MIS18A: variants seen among roughly 807,000 people sequenced by gnomAD.
MIS18A encodes MIS18 kinetochore protein A, also known as protein Mis18-alpha.
A neutral mutation model predicts 25.0 loss-of-function variants in MIS18A; 14 were observed. The ratio of observed to expected loss-of-function variants is 0.56; its 90% CI spans 0.37 to 0.88. MIS18A has a LOEUF of 0.88. Among genes scored for constraint, MIS18A ranks in the 40% least tolerant of loss-of-function variants. The probability of loss-of-function intolerance (pLI) is 0.00; values close to 1 mark genes in which losing one functional copy is unlikely to be tolerated. For synonymous variants in MIS18A, 134 were observed against 118.6 expected (o/e 1.13, Z -0.84); for missense variants, 292 against 290.8 (o/e 1.00, Z -0.03).
chr21:32,217,989 C>T, the MIS18A span, among the ~76,000 whole-genome samples: 7 of 151,710 alleles, frequency 4.6e-5, no homozygotes, highest in East Asian at 1.2e-3. Context: ...GTCAGGAGAT[C>T]GATACCATCC....
At chr21:32,266,256 C>T (rs565861935), downstream of MIS18A, among the ~76,000 whole-genome samples, 15 of 152,190 alleles carry the variant, frequency 9.9e-5, no homozygotes, top group South Asian at 2.1e-4. Context: ...CTGATGGGGA[C>T]GTGGAGAACC....
the MIS18A span, among the ~76,000 whole-genome samples, chr21:32,239,976 G>T: frequency 2.6e-5 from 4 of 152,252 alleles, no homozygotes; most frequent in Non-Finnish European, 5.9e-5. Context: ...TTTTCTTCTG[G>T]GTACTATTGA....
the MIS18A span, among the ~76,000 whole-genome samples, chr21:32,159,372 C>A: frequency 1.3e-5 from 2 of 152,136 alleles, no homozygotes; most frequent in African/African-American, 4.8e-5. Context: ...AGTAATAAAA[C>A]TTATGGTTAG....
At chr21:32,262,636 G>A in the MIS18A span, among the ~76,000 whole-genome samples, 4 of 152,162 alleles carry the variant, frequency 2.6e-5, no homozygotes, top group Admixed American at 2.0e-4. Flanking sequence ...ACGTGAATTA[G>A]AAGGTTGAAG....
the MIS18A span, among the ~76,000 whole-genome samples, chr21:32,167,536 G>A: frequency 1.3e-5 from 2 of 152,120 alleles, no homozygotes; most frequent in African/African-American, 4.8e-5. Context: ...ATGAAGATTG[G>A]TGAGCTGCAA....
the MIS18A span, among the ~76,000 whole-genome samples, chr21:32,206,416 A>C: frequency 6.6e-6 from 1 of 152,002 alleles, no homozygotes; most frequent in Non-Finnish European, 1.5e-5. Context: ...GCAAAATCTC[A>C]TTATTGGATT....
the MIS18A span, among the ~76,000 whole-genome samples, chr21:32,168,755 C>G: frequency 6.6e-6 from 1 of 152,018 alleles, no homozygotes; most frequent in Non-Finnish European, 1.5e-5. Flanking sequence ...AACTAATAAG[C>G]TAGCATTGGG....
chr21:32,155,486 C>T, the MIS18A span, among the ~76,000 whole-genome samples: 36 of 152,132 alleles, frequency 2.4e-4, no homozygotes, highest in Non-Finnish European at 4.0e-4. Flanking sequence ...TTTTGGTTTG[C>T]TTGGAAGTAA....
At chr21:32,276,392 T>TGG (rs1330513706) in intron 1 of MIS18A, among the ~76,000 whole-genome samples, 1 of 125,068 alleles carries the variant, frequency 8.0e-6, no homozygotes, top group Non-Finnish European at 1.6e-5. Context: ...ACCCGGGAGG[T>TGG]GGAGCTTGCA....
chr21:32,231,198 T>C, the MIS18A span, among the ~76,000 whole-genome samples: 1 of 145,618 alleles, frequency 6.9e-6, no homozygotes, highest in Non-Finnish European at 1.5e-5. Context: ...ATTGCAGCAC[T>C]GCACTCCAGC....
At chr21:32,168,903 A>G in the MIS18A span, among the ~76,000 whole-genome samples, 1 of 152,300 alleles carries the variant, frequency 6.6e-6, no homozygotes, top group South Asian at 2.1e-4. Flanking sequence ...AGTGTAAACA[A>G]TCTACATACT....
At chr21:32,238,625 G>T in the MIS18A span, among the ~76,000 whole-genome samples, 96 of 152,158 alleles carry the variant, frequency 6.3e-4, 1 homozygote, top group Middle Eastern at 6.8e-3. Context: ...TTATCCCTTT[G>T]CCCCTTCCTC....
the MIS18A span, among the ~76,000 whole-genome samples, chr21:32,172,483 G>A: frequency 1.3e-5 from 2 of 151,982 alleles, no homozygotes; most frequent in African/African-American, 2.4e-5. Flanking sequence ...AAAACATCAT[G>A]TTGTACACCC....
At chr21:32,189,200 C>T in the MIS18A span, among the ~76,000 whole-genome samples, 21 of 152,344 alleles carry the variant, frequency 1.4e-4, no homozygotes, top group African/African-American at 4.1e-4. Flanking sequence ...AGGCCCTTCA[C>T]GATGTGGTCC....
At chr21:32,269,203 T>A in intron 4 of MIS18A, 86 bp from the exon 5 acceptor site, 1 of 1,000,148 alleles carries the variant, frequency 1.0e-6, no homozygotes, top group Non-Finnish European at 1.5e-6. Context: ...GATATACACT[T>A]AATGCAATTT....
chr21:32,197,552 G>A, the MIS18A span, among the ~76,000 whole-genome samples: 1 of 152,212 alleles, frequency 6.6e-6, no homozygotes, highest in Non-Finnish European at 1.5e-5. Context: ...GATCCCTGAG[G>A]CTGAAACTGA....
chr21:32,206,179 G>T, the MIS18A span, among the ~76,000 whole-genome samples: 1 of 152,106 alleles, frequency 6.6e-6, no homozygotes, highest in East Asian at 1.9e-4. Flanking sequence ...CCACCTAATA[G>T]GTCTCCACAG....
At chr21:32,222,934 C>CAAAAA in the MIS18A span, among the ~76,000 whole-genome samples, 9 of 65,812 alleles carry the variant, frequency 1.4e-4, no homozygotes, top group Admixed American at 5.6e-4. Flanking sequence ...GACTCCGTCT[C>CAAAAA]AAAAAAAAAA....
At chr21:32,197,733 C>T in the MIS18A span, 5 of 152,106 alleles carry the variant, frequency 3.3e-5, no homozygotes, top group Non-Finnish European at 7.4e-5. Flanking sequence ...TTTCAAAGAC[C>T]CATTAGAGCT....
Sources: allele counts gnomAD v4.1 joint callset (sites outside exome capture counted in the v4.1 genomes callset), GRCh38; gene constraint gnomAD v4.1.1; transcripts MANE v1.5; gene names NCBI Gene and HGNC (gene_info 2026-07-23, HGNC 2026-07-21).